Variants in USH1C observed in about 807,000 individuals in gnomAD.
USH1C encodes USH1 protein network component harmonin.
A neutral mutation model predicts 119.3 loss-of-function variants in USH1C; 90 were observed. That is an observed-to-expected ratio of 0.75 (90% CI 0.64 to 0.90). The LOEUF is 0.90. Among genes scored for constraint, USH1C ranks in the 40% least tolerant of loss-of-function variants. USH1C has a pLI of 0.00. For synonymous variants in USH1C, 465 were observed against 443.3 expected (o/e 1.05, Z -0.62); for missense variants, 1,165 against 1,167.7 (o/e 1.00, Z 0.03).
At chr11:17,523,395 C>G (rs777601249) in intron 10 of USH1C, 24 bp downstream of exon 10, 1 of 1,614,140 alleles carries the variant, frequency 6.2e-7, no homozygotes, top group Non-Finnish European at 8.5e-7. Context: ...CAAGGGCCAA[C>G]AGGTGAAGAC....
rs752041114 is a variant in USH1C, at chr11:17,505,813, G to A, written c.2133+17C>T. ...TGCTCCTCTAGAGACAACCTGGAGG[G>A]GACCCAAGGGGCTTACCAGAACTTC... On this transcript the variant is annotated intron_variant, in intron 19 of 26. Transcript: ENST00000005226. 11 of 1,613,756 alleles carry A rather than the reference G, an allele frequency of 6.8e-6. No homozygotes were observed. The African/African-American group carries it at 1.5e-4, about 22-fold the overall frequency.
chr11:17,542,032 C>T (rs1012712933), intron 1 of USH1C, among the ~76,000 whole-genome samples: 1 of 152,132 alleles, frequency 6.6e-6, no homozygotes, highest in Non-Finnish European at 1.5e-5. Flanking sequence ...TCCCTAAGTG[C>T]CAGGGTCTAT....
At chr11:17,508,580 C>A (rs1159952533) in intron 18 of USH1C, among the ~76,000 whole-genome samples, 1 of 152,210 alleles carries the variant, frequency 6.6e-6, no homozygotes. Context: ...TTCATGGGAT[C>A]CAAGCTCCCT....
intron 24 of USH1C, among the ~76,000 whole-genome samples, chr11:17,497,935 GC>G (rs1849299220): frequency 6.6e-6 from 1 of 152,186 alleles, no homozygotes; most frequent in South Asian, 2.1e-4. Flanking sequence ...GTCTGTTTAA[GC>G]CACTGGCTTT....
chr11:17,534,530 C>T (rs141136453), intron 1 of USH1C, among the ~76,000 whole-genome samples: 7 of 152,288 alleles, frequency 4.6e-5, no homozygotes, highest in African/African-American at 1.7e-4. Flanking sequence ...GAAGTTCAGC[C>T]CACCTGCTCC....
At chr11:17,496,077 G>A (rs1389640524) in intron 25 of USH1C, among the ~76,000 whole-genome samples, 1 of 152,018 alleles carries the variant, frequency 6.6e-6, no homozygotes, top group Non-Finnish European at 1.5e-5. Context: ...AGACAGGGAT[G>A]AAGAGAAACA....
intron 4 of USH1C, among the ~76,000 whole-genome samples, chr11:17,527,911 C>T (rs1850783234): frequency 6.6e-6 from 1 of 152,126 alleles, no homozygotes; most frequent in Non-Finnish European, 1.5e-5. Flanking sequence ...TTTAACTCTG[C>T]TGTGGCCCTG....
chr11:17,530,055 G>A (rs1322898076), intron 4 of USH1C, among the ~76,000 whole-genome samples: 2 of 152,218 alleles, frequency 1.3e-5, no homozygotes, highest in Admixed American at 6.5e-5. Flanking sequence ...CCAGGGAGCC[G>A]TGAGACAGGG....
Position 17,522,929 on chromosome 11 carries a change from C to A in USH1C, c.877-3G>T. 1 of 1,610,450 alleles carries A rather than the reference C, an allele frequency of 6.2e-7. No individual in the cohort carries two copies. ...TCTGTCATGAACAGCTCCCGGCCCT[C>A]ATGGGAGAAAAGAGGCCCCTTGCTC... On this transcript the variant is annotated splice_polypyrimidine_tract_variant and splice_region_variant and intron_variant, in intron 11 of 26. Transcript: ENST00000005226.
rs777390334 is a variant in USH1C at position 17,527,006 on chromosome 11, G to T, written c.521+10C>A. On this transcript the variant is annotated intron_variant, in intron 6 of 26. Transcript: ENST00000005226. Reference sequence around the variant, plus strand: ...GGGAAGAGTTGGCCTGCAGAGGAGGGGCCTCTCACCTTTTCACGGGGATCA... The same window carrying T: ...GGGAAGAGTTGGCCTGCAGAGGAGGTGCCTCTCACCTTTTCACGGGGATCA... 1.9e-6 allele frequency: 3 copies of T among 1,563,950 alleles called. No individual in the cohort carries two copies. The highest frequency in any genetic ancestry group is 2.7e-5 in the African/African-American group (2 of 73,854).
chr11:17,543,019 C>A (rs1313336044), intron 1 of USH1C, among the ~76,000 whole-genome samples: 1 of 152,244 alleles, frequency 6.6e-6, no homozygotes, highest in Non-Finnish European at 1.5e-5. Context: ...TTGGCCTCAA[C>A]ACGCAGCACT....
chr11:17,509,823 G>C lies in USH1C; in HGVS notation c.1546C>G (p.Pro516Ala). The change falls in exon 18 of 27, where the codon CCG becomes GCG. Residue 516 changes from proline to alanine, a missense_variant. Coordinates refer to ENST00000005226, the MANE Select transcript of USH1C (RefSeq NM_153676.4). ...GGAGACACAGAAGGCGGGGGAGGCGGGGGCCCTGTGGTCATCTGGGGGTGT... is the reference window on the plus strand; with the variant it reads ...GGAGACACAGAAGGCGGGGGAGGCGCGGGCCCTGTGGTCATCTGGGGGTGT... ...NEISEMTTGPPPPPPSVSPLA... is the reference protein window; with the variant it reads ...NEISEMTTGPAPPPPSVSPLA... The C allele has an allele frequency of 1.3e-6, 2 of 1,595,880 alleles. No homozygotes were observed. Among genetic ancestry groups the C allele is most frequent in the Middle Eastern group, 1.7e-4 (1 of 6,036 alleles).
chr11:17,539,995 C>G (rs1851393930), intron 1 of USH1C, among the ~76,000 whole-genome samples: 1 of 151,966 alleles, frequency 6.6e-6, no homozygotes, highest in Non-Finnish European at 1.5e-5. Context: ...CCACACCTGG[C>G]TAATTTTTGT....
intron 14 of USH1C, among the ~76,000 whole-genome samples, chr11:17,517,019 C>G (rs1850180722): frequency 6.6e-6 from 1 of 152,170 alleles, no homozygotes; most frequent in Non-Finnish European, 1.5e-5. Flanking sequence ...CCGGACCAGC[C>G]TGAGTGCTGG....
At position 17,509,385 on chromosome 11, in the gene USH1C, G is replaced by C; in HGVS notation, c.1984C>G (p.Pro662Ala). ...GGGGTGGGTGGGAAGCTCTGTTCAG[G>C]GACAGGGGAGTTAGTGGGCTTCCCA... Reference protein sequence around the residue: ...HSGKPTNSPVPEQSFPPTPKT... With the variant: ...HSGKPTNSPVAEQSFPPTPKT... The change falls in exon 18 of 27, where the codon CCT becomes GCT. Residue 662 changes from proline to alanine, a missense_variant. By Grantham distance (27) the Pro-to-Ala change is conservative (BLOSUM62 -1). Coordinates refer to ENST00000005226, the MANE Select transcript of USH1C (RefSeq NM_153676.4). 2.5e-6 allele frequency: 4 copies of C among 1,593,556 alleles called. No homozygotes were observed. The highest frequency in any genetic ancestry group is 3.4e-6 in the Non-Finnish European group (4 of 1,166,840).
At chr11:17,521,518 C>T in intron 12 of USH1C, 107 bp from the exon 13 acceptor site, 1 of 1,183,236 alleles carries the variant, frequency 8.5e-7, no homozygotes, top group East Asian at 2.4e-5. Flanking sequence ...TCTCCAGGCT[C>T]CCTTCCTAGG....
Position 17,501,492 on chromosome 11 carries a change from C to A in USH1C, c.2270G>T (p.Arg757Leu). 6.2e-7 allele frequency: 1 copy of A among 1,613,048 alleles called. No homozygotes were observed. Among genetic ancestry groups the A allele is most frequent in the Non-Finnish European group, 8.5e-7 (1 of 1,179,580 alleles). The change falls in exon 22 of 27, where the codon CGC becomes CTC. Residue 757 changes from arginine to leucine, a missense_variant. Arg to Leu is a moderately radical substitution (Grantham distance 102). Transcript: ENST00000005226. ...QIMGKDVRLL[R>L]IKKEGSLDLA... Reference sequence around the variant, plus strand: ...CACATGCCCAGGTACCTTCTTGATGCGTAGGAGCCGGACATCCTTCCCCAT... The same window carrying A: ...CACATGCCCAGGTACCTTCTTGATGAGTAGGAGCCGGACATCCTTCCCCAT...
At position 17,510,465 on chromosome 11, in the gene USH1C, C is replaced by A. The variant is rs1024241589; in HGVS notation, c.1470G>T (p.Val490=). The change falls in exon 17 of 27, where the codon GTG becomes GTT. Residue 490 remains valine, a synonymous_variant. Coordinates refer to ENST00000005226, the MANE Select transcript of USH1C (RefSeq NM_153676.4). ...LEESEKIQYW[V]ERLCQTRLEQ... is the part of the protein sequence containing the mutation. ...CGAGGCGCGTTTGACAGAGCCTCTC[C>A]ACCCAATATTGAATCTTTTCCGATT... The A allele has an allele frequency of 6.2e-7, 1 of 1,613,464 alleles. No homozygotes were observed. The highest frequency in any genetic ancestry group is 1.7e-5 in the Admixed American group (1 of 59,982).
At chr11:17,529,585 C>T (rs1457763684) in intron 4 of USH1C, among the ~76,000 whole-genome samples, 1 of 152,226 alleles carries the variant, frequency 6.6e-6, no homozygotes, top group East Asian at 1.9e-4. Context: ...AGTAAAGTTC[C>T]CTGTCTTATT....
Sources: allele counts gnomAD v4.1 joint callset (sites outside exome capture counted in the v4.1 genomes callset), GRCh38; gene constraint gnomAD v4.1.1; transcripts MANE v1.5; gene names NCBI Gene and HGNC (gene_info 2026-07-23, HGNC 2026-07-21).